Variants in AFAP1 observed in about 807,000 individuals in gnomAD.
The protein encoded by AFAP1 is actin filament-associated protein 1.
A neutral mutation model predicts 93.9 loss-of-function variants in AFAP1; 75 were observed. The observed-to-expected ratio is 0.80, with a 90% CI of 0.66 to 0.97. AFAP1 has a LOEUF of 0.97. AFAP1 is among the 50% of genes least tolerant of loss of function. The pLI is 0.00. For missense variants in AFAP1, 1,201 were observed against 1,050.8 expected (o/e 1.14, Z -1.98); for synonymous variants, 517 against 430.7 (o/e 1.20, Z -2.48).
rs1298154124 is a variant in AFAP1, at chr4:7,772,834, T to G, written c.2239A>C (p.Thr747Pro). 6.2e-7 allele frequency: 1 copy of G among 1,613,952 alleles called. No individual in the cohort carries two copies. The highest frequency in any genetic ancestry group is 1.7e-5 in the Admixed American group (1 of 60,022). Residue 747 changes from threonine to proline, a missense_variant, in exon 16 of 18, where the codon ACA (threonine) becomes CCA (proline). Thr to Pro is a conservative substitution (Grantham distance 38). Transcript: ENST00000420658. ...LGLAIEPKSGTSSPQSPVFRH... is the reference protein window; with the variant it reads ...LGLAIEPKSGPSSPQSPVFRH... ...AGGACACACACCTGTGGACTCGATG[T>G]CCCTGACTTGGGCTCGATGGCCAGC...
intron 14 of AFAP1, chr4:7,778,139 G>A (rs2148976108): frequency 6.5e-6 from 1 of 153,252 alleles, no homozygotes; most frequent in Admixed American, 6.5e-5. Flanking sequence ...CCTTGGGGGA[G>A]CTGCTTACTC....
chr4:7,913,014 A>T (rs1161075824), intron 1 of AFAP1, among the ~76,000 whole-genome samples: 1 of 151,958 alleles, frequency 6.6e-6, no homozygotes, highest in Non-Finnish European at 1.5e-5. Context: ...TGCCCAGTTA[A>T]TTTTTTTAGT....
intron 9 of AFAP1, among the ~76,000 whole-genome samples, 159 bp from the exon 10 acceptor site, chr4:7,800,812 G>A (rs1560167157): frequency 1.3e-5 from 2 of 152,190 alleles, no homozygotes. Context: ...CATAAACTAG[G>A]AGAGCCGTGG....
At chr4:7,907,002 C>CA (rs11288651) in intron 1 of AFAP1, among the ~76,000 whole-genome samples, 152 of 127,838 alleles carry the variant, frequency 1.2e-3, no homozygotes, top group African/African-American at 3.5e-3. Flanking sequence ...AACTCCACCT[C>CA]AAAAAAAAAA....
chr4:7,817,083 C>T (rs1209620685), intron 7 of AFAP1, among the ~76,000 whole-genome samples: 1 of 152,014 alleles, frequency 6.6e-6, no homozygotes, highest in Non-Finnish European at 1.5e-5. Context: ...GGTGTGAGTG[C>T]GTGGATGAGG....
In AFAP1 at chr4:7,781,561, TATC is replaced by T; in HGVS notation, c.1594_1596del (p.Asp532del). On this transcript the variant is annotated inframe_deletion, in exon 13 of 18. Transcript: ENST00000420658. ...GGCAAGTTATCGTACAGGCCTGCGT[TATC>T]ATAAAGCACCTCTTCTCCCAAGCCT... is the stretch of plus-strand genomic sequence containing the variant. 2 of 1,551,974 alleles carry T rather than the reference TATC, an allele frequency of 1.3e-6. No individual in the cohort carries two copies. The highest frequency in any genetic ancestry group is 1.7e-6 in the Non-Finnish European group (2 of 1,147,068).
intron 4 of AFAP1, among the ~76,000 whole-genome samples, chr4:7,851,052 C>A (rs556253669): frequency 7.9e-5 from 12 of 152,252 alleles, no homozygotes; most frequent in African/African-American, 2.4e-4. Context: ...CTCACTGCTC[C>A]GCAGGTTGGT....
intron 11 of AFAP1, among the ~76,000 whole-genome samples, chr4:7,793,315 C>T (rs1354458494): frequency 6.6e-6 from 1 of 152,190 alleles, no homozygotes; most frequent in Non-Finnish European, 1.5e-5. Flanking sequence ...TGGCCAAATC[C>T]AGGCCACGGC....
intron 1 of AFAP1, among the ~76,000 whole-genome samples, chr4:7,929,753 G>T (rs184480249): frequency 1.2e-4 from 19 of 152,334 alleles, no homozygotes; most frequent in Non-Finnish European, 2.1e-4. Context: ...CGGCACTCAG[G>T]AACTACTGAA....
chr4:7,767,411 C>A (rs912683380), intron 17 of AFAP1, among the ~76,000 whole-genome samples: 1 of 152,202 alleles, frequency 6.6e-6, no homozygotes, highest in Admixed American at 6.5e-5. Context: ...AGATGAAGTA[C>A]ATTTACAGCA....
At chr4:7,889,419 G>A (rs781274645) in intron 1 of AFAP1, among the ~76,000 whole-genome samples, 44 of 151,622 alleles carry the variant, frequency 2.9e-4, no homozygotes, top group African/African-American at 9.2e-4. Flanking sequence ...GTGGTGGCAC[G>A]TGCCTGTAGC....
intron 10 of AFAP1, among the ~76,000 whole-genome samples, chr4:7,795,129 G>T (rs1369017404): frequency 6.6e-6 from 1 of 152,058 alleles, no homozygotes; most frequent in Non-Finnish European, 1.5e-5. Flanking sequence ...ATGTATAAAG[G>T]CCTCTCTAAA....
At chr4:7,809,062 TG>T (rs1386397322) in intron 9 of AFAP1, among the ~76,000 whole-genome samples, 7 of 85,190 alleles carry the variant, frequency 8.2e-5, no homozygotes, top group East Asian at 1.1e-3. Flanking sequence ...GTTTTGTTTT[TG>T]TTTTTTTTTT....
intron 6 of AFAP1, among the ~76,000 whole-genome samples, chr4:7,832,297 G>A (rs546065426): frequency 6.6e-6 from 1 of 151,948 alleles, no homozygotes; most frequent in East Asian, 1.9e-4. Context: ...GTATGATACA[G>A]ATGTGGGAAG....
At chr4:7,927,023 G>A (rs1720806140) in intron 1 of AFAP1, among the ~76,000 whole-genome samples, 1 of 152,150 alleles carries the variant, frequency 6.6e-6, no homozygotes, top group Admixed American at 6.5e-5. Flanking sequence ...CAGGCATCCT[G>A]ACCTTTTGTC....
At chr4:7,831,292 C>T (rs1397116976) in intron 6 of AFAP1, among the ~76,000 whole-genome samples, 1 of 151,356 alleles carries the variant, frequency 6.6e-6, no homozygotes, top group Non-Finnish European at 1.5e-5. Context: ...GAAGTAACAT[C>T]ACAGACATGA....
chr4:7,930,623 T>TTCC (rs1721014359), intron 1 of AFAP1, among the ~76,000 whole-genome samples: 1 of 152,206 alleles, frequency 6.6e-6, no homozygotes, highest in African/African-American at 2.4e-5. Flanking sequence ...GTGTCAGGAA[T>TTCC]TGAAACCTAA....
At chr4:7,815,685 C>T (rs1281362625) in intron 8 of AFAP1, among the ~76,000 whole-genome samples, 2 of 152,152 alleles carry the variant, frequency 1.3e-5, no homozygotes, top group Non-Finnish European at 2.9e-5. Flanking sequence ...ATGCCGGCTG[C>T]TCACCAATGC....
chr4:7,901,359 G>A (rs992029891), intron 1 of AFAP1, among the ~76,000 whole-genome samples: 6 of 152,128 alleles, frequency 3.9e-5, no homozygotes, highest in Non-Finnish European at 8.8e-5. Context: ...ACTTTCCACC[G>A]AAGATTAAAA....
Sources: gnomAD v4.1 joint callset for allele counts (sites outside exome capture counted in the v4.1 genomes callset) on GRCh38, gnomAD v4.1.1 for gene constraint, MANE v1.5 for transcripts, NCBI Gene and HGNC (gene_info 2026-07-23, HGNC 2026-07-21) for gene names.